Variants in DESI1 observed in about 807,000 individuals in gnomAD.
The protein encoded by DESI1 is desumoylating isopeptidase 1, also known as PPPDE peptidase domain containing 2.
Under a neutral mutation model 22.4 loss-of-function variants are expected in DESI1, and 17 were observed. That is an observed-to-expected ratio of 0.76 (90% CI 0.52 to 1.14). DESI1 has a LOEUF of 1.14. DESI1 is among the 50% of genes most tolerant of loss of function. The pLI is 0.00. For missense variants in DESI1, 177 were observed against 208.9 expected (o/e 0.85, Z 0.94); for synonymous variants, 92 against 84.2 (o/e 1.09, Z -0.51).
At chr22:41,602,664 G>T (rs1287054684) in intron 5 of DESI1, 3 of 987,372 alleles carry the variant, frequency 3.0e-6, no homozygotes, top group Non-Finnish European at 3.6e-6. Flanking sequence ...TGGGGGTGTT[G>T]TGTCCTTTCG....
chr22:41,613,559 AT>A (rs1411958801), intron 1 of DESI1, among the ~76,000 whole-genome samples: 3 of 152,222 alleles, frequency 2.0e-5, no homozygotes, highest in African/African-American at 7.2e-5. Flanking sequence ...TGGTCCTGAG[AT>A]GTGACATGAA....
chr22:41,603,510 A>G (rs2067461519), intron 4 of DESI1, 129 bp from the exon 5 acceptor site: 1 of 1,421,462 alleles, frequency 7.0e-7, no homozygotes, highest in Non-Finnish European at 9.7e-7. Context: ...CGTCTCATAC[A>G]CCAGAAAAGC....
rs1180781262 is a variant in DESI1, at chr22:41,620,784, C to A, written c.56G>T (p.Gly19Val). The change falls in exon 1 of 6, where the codon GGC becomes GTC. Residue 19 changes from glycine to valine, a missense_variant. Coordinates refer to ENST00000263256, the MANE Select transcript of DESI1 (RefSeq NM_015704.3). ...GATGGGGCTGAGCCGCCGGGCCAGGCCTTTGGACAGGTCGTACACGTAGAG... is the reference window on the plus strand; with the variant it reads ...GATGGGGCTGAGCCGCCGGGCCAGGACTTTGGACAGGTCGTACACGTAGAG... ...VKLYVYDLSK[G>V]LARRLSPIML... is the part of the protein sequence containing the mutation. 8 of 1,612,648 alleles carry A rather than the reference C, an allele frequency of 5.0e-6. No individual in the cohort carries two copies. The Admixed American group carries it at 1.3e-4, about 27-fold the overall frequency.
At position 41,603,262 on chromosome 22, in the gene DESI1, G is replaced by C; in HGVS notation, c.410C>G (p.Ser137Cys). ...YITDLPSEVL[S>C]TPFGQALRPL... is the part of the protein sequence containing the mutation. The stretch of plus-strand genomic sequence containing the variant: ...CAGGGACAGAGGCCACACTTACGTG[G>C]AGAGAACTTCAGAGGGCAGGTCTGT... The change falls in exon 5 of 6, where the codon TCC becomes TGC. Residue 137 changes from serine to cysteine, a missense_variant. Transcript: ENST00000263256. The C allele has an allele frequency of 6.2e-7, 1 of 1,614,206 alleles. No individual in the cohort carries two copies. The highest frequency in any genetic ancestry group is 8.5e-7 in the Non-Finnish European group (1 of 1,180,024).
intron 5 of DESI1, chr22:41,602,476 T>C: frequency 1.0e-6 from 1 of 985,402 alleles, no homozygotes; most frequent in Non-Finnish European, 1.2e-6. Flanking sequence ...GGGAGGTGCT[T>C]CCTCAGATAT....
intron 1 of DESI1, among the ~76,000 whole-genome samples, chr22:41,617,906 C>T (rs1485611529): frequency 6.6e-6 from 1 of 152,334 alleles, no homozygotes; most frequent in East Asian, 1.9e-4. Context: ...AGCCTTCTTT[C>T]AGTTCCAGTA....
intron 5 of DESI1, 143 bp downstream of exon 5, chr22:41,603,116 G>T: frequency 1.6e-6 from 2 of 1,254,770 alleles, no homozygotes; most frequent in Non-Finnish European, 1.1e-6. Flanking sequence ...TGGAGAGAAT[G>T]GCAGCCTTCT....
rs1569064010 is a variant in DESI1 at position 41,600,302 on chromosome 22, C to CGAA, written c.*794_*795insTTC. 3 of 152,274 alleles carry CGAA rather than the reference C, an allele frequency of 2.0e-5. No individual in the cohort carries two copies. Among genetic ancestry groups the CGAA allele is most frequent in the African/African-American group, 7.2e-5 (3 of 41,456 alleles). 9.4% of individuals were successfully genotyped at this position (152,274 alleles called of 1,614,324 possible). ...TACAGAGACTGCAAATAACCTACATCATTACTTGCAGAAAAAAGGCCTTGG... is the reference window on the plus strand; with the variant it reads ...TACAGAGACTGCAAATAACCTACATCGAAATTACTTGCAGAAAAAAGGCCTTGG... On this transcript the variant is annotated 3_prime_UTR_variant, in exon 6 of 6. Coordinates refer to ENST00000263256, the MANE Select transcript of DESI1 (RefSeq NM_015704.3).
chr22:41,614,635 AGTGCAGT>A (rs1345357998), intron 1 of DESI1, among the ~76,000 whole-genome samples: 1 of 126,488 alleles, frequency 7.9e-6, no homozygotes, highest in Admixed American at 8.9e-5. Flanking sequence ...CCCAGGCTGA[AGTGCAGT>A]GGCATGATCT....
intron 3 of DESI1, 68 bp from the exon 4 acceptor site, chr22:41,604,221 C>CACA (rs1455826523): frequency 1.5e-6 from 2 of 1,292,142 alleles, no homozygotes; most frequent in Non-Finnish European, 2.2e-6. Context: ...TGTGGCTTCC[C>CACA]ACAGTAGACC....
intron 5 of DESI1, among the ~76,000 whole-genome samples, chr22:41,601,607 C>T (rs1255988199): frequency 1.3e-5 from 2 of 152,140 alleles, no homozygotes; most frequent in African/African-American, 4.8e-5. Context: ...AAAAAGAAGA[C>T]AAAGGGGTGA....
Position 41,599,357 on chromosome 22 carries a change from C to G in DESI1, c.*1740G>C, listed in dbSNP as rs989524711. 5 of 152,176 alleles carry G rather than the reference C, an allele frequency of 3.3e-5. No individual in the cohort carries two copies. The highest frequency in any genetic ancestry group is 1.2e-4 in the African/African-American group (5 of 41,442). 9.4% of individuals were successfully genotyped at this position (152,176 alleles called of 1,614,324 possible). Reference sequence around the variant, plus strand: ...GTGAAGAGAGGGAATCTGAAAGTCTCTCTGGATTAGAGACTCCCAGACTGT... The same window carrying G: ...GTGAAGAGAGGGAATCTGAAAGTCTGTCTGGATTAGAGACTCCCAGACTGT... On this transcript the variant is annotated 3_prime_UTR_variant, in exon 6 of 6. Coordinates refer to ENST00000263256, the MANE Select transcript of DESI1 (RefSeq NM_015704.3).
rs2067437245 is a variant in DESI1 at position 41,599,334 on chromosome 22, GAA to G, written c.*1761_*1762del. On this transcript the variant is annotated 3_prime_UTR_variant, in exon 6 of 6. Coordinates refer to ENST00000263256, the MANE Select transcript of DESI1 (RefSeq NM_015704.3). ...AAATCTAACTAATGGAGGTTCATGT[GAA>G]GAGAGGGAATCTGAAAGTCTCTCTG... 6.6e-6 allele frequency: 1 copy of G among 152,176 alleles called. No individual in the cohort carries two copies. Among genetic ancestry groups the G allele is most frequent in the Non-Finnish European group, 1.5e-5 (1 of 68,024 alleles). 9.4% of individuals were successfully genotyped at this position (152,176 alleles called of 1,614,324 possible).
At chr22:41,613,724 T>C (rs1222344131) in intron 1 of DESI1, among the ~76,000 whole-genome samples, 2 of 152,258 alleles carry the variant, frequency 1.3e-5, no homozygotes, top group Non-Finnish European at 2.9e-5. Flanking sequence ...TCTACTGCTG[T>C]CTTCTCAGAT....
chr22:41,620,660 G>T (rs60831182), intron 1 of DESI1, 92 bp downstream of exon 1: 3 of 1,270,680 alleles, frequency 2.4e-6, no homozygotes, highest in Non-Finnish European at 1.1e-6. Flanking sequence ...GTGTCTCCCC[G>T]TGAGTCGTGG....
intron 2 of DESI1, among the ~76,000 whole-genome samples, chr22:41,607,565 T>C (rs1349566829): frequency 6.6e-6 from 1 of 152,230 alleles, no homozygotes; most frequent in African/African-American, 2.4e-5. Flanking sequence ...GGCTGTCCTG[T>C]GCATTCTAGT....
At chr22:41,612,461 C>T (rs899699912) in intron 1 of DESI1, among the ~76,000 whole-genome samples, 1 of 148,816 alleles carries the variant, frequency 6.7e-6, no homozygotes, top group Admixed American at 6.7e-5. Flanking sequence ...GCTGCGATTG[C>T]ACCACTGCAC....
rs965493806 is a variant in DESI1 at position 41,620,807 on chromosome 22, G to A, written c.33C>T (p.Leu11=). 2 of 1,612,652 alleles carry A rather than the reference G, an allele frequency of 1.2e-6. No individual in the cohort carries two copies. Among genetic ancestry groups the A allele is most frequent in the African/African-American group, 1.3e-5 (1 of 74,904 alleles). MEPPNLYPVK[L]YVYDLSKGLA... ...GGCCTTTGGACAGGTCGTACACGTA[G>A]AGCTTCACCGGATAGAGATTCGGCG... The change falls in exon 1 of 6, where the codon CTC becomes CTT. Residue 11 remains leucine (L), a synonymous_variant. Transcript: ENST00000263256.
chr22:41,602,165 T>C, intron 5 of DESI1: 1 of 970,456 alleles, frequency 1.0e-6, no homozygotes, highest in Non-Finnish European at 1.2e-6. Context: ...CTTCAGTGGA[T>C]ACTGCCATTT....
Sources: gnomAD v4.1 joint callset for allele counts (sites outside exome capture counted in the v4.1 genomes callset) on GRCh38, gnomAD v4.1.1 for gene constraint, MANE v1.5 for transcripts, NCBI Gene and HGNC (gene_info 2026-07-23, HGNC 2026-07-21) for gene names.